DUSP16: variants seen among roughly 807,000 people sequenced by gnomAD.
DUSP16 encodes dual specificity phosphatase 16.
In DUSP16, 21 loss-of-function variants were observed where a neutral mutation model predicts 58.3. The observed-to-expected ratio is 0.36, with a 90% confidence interval of 0.26 to 0.52. The LOEUF (loss-of-function observed/expected upper bound fraction) is 0.52, where lower values mean the gene tolerates loss of function less well. Ranked by LOEUF, DUSP16 falls within the 20% of genes least tolerant of loss-of-function variation. The probability of loss-of-function intolerance (pLI) is 0.94; values close to 1 mark genes in which losing one functional copy is unlikely to be tolerated. For missense variants in DUSP16, 726 were observed against 819.0 expected (o/e 0.89, Z 1.39); for synonymous variants, 320 against 323.8 (o/e 0.99, Z 0.12).
chr12:12,561,622 C>A (rs560685779), intron 1 of DUSP16, among the ~76,000 whole-genome samples: 222 of 152,352 alleles, frequency 1.5e-3, no homozygotes, highest in Middle Eastern at 3.4e-3. Flanking sequence ...ACCGTCACCA[C>A]CCAGGTGGCC....
chr12:12,487,027 C>T lies in DUSP16; in HGVS notation c.691+1G>A, dbSNP rs868290772. The T allele has an allele frequency of 6.2e-7, 1 of 1,613,706 alleles. No individual in the cohort carries two copies. The highest frequency in any genetic ancestry group is 8.5e-7 in the Non-Finnish European group (1 of 1,179,796). ...CCTGCAATATTATTTGAGCTACTTACCAATGAAATCTACTGATTTGTCCAA... is the reference window on the plus strand; with the variant it reads ...CCTGCAATATTATTTGAGCTACTTATCAATGAAATCTACTGATTTGTCCAA... On this transcript the variant is annotated splice_donor_variant, in intron 5 of 6. Coordinates refer to ENST00000298573, the MANE Select transcript of DUSP16 (RefSeq NM_030640.3). LOFTEE classifies it high-confidence loss of function.
intron 1 of DUSP16, among the ~76,000 whole-genome samples, chr12:12,560,288 A>G (rs765059226): frequency 1.3e-5 from 2 of 152,222 alleles, no homozygotes; most frequent in Non-Finnish European, 1.5e-5. Context: ...CTGAATGTAC[A>G]TTTATAGTAC....
At chr12:12,497,129 T>C (rs1943839010) in intron 4 of DUSP16, among the ~76,000 whole-genome samples, 1 of 152,262 alleles carries the variant, frequency 6.6e-6, no homozygotes, top group Non-Finnish European at 1.5e-5. Context: ...TAATTTTGTA[T>C]ACTGATTGCA....
At chr12:12,558,197 C>T (rs985561831) in intron 1 of DUSP16, among the ~76,000 whole-genome samples, 1 of 152,242 alleles carries the variant, frequency 6.6e-6, no homozygotes, top group South Asian at 2.1e-4. Flanking sequence ...TGATTCCTAT[C>T]AGTAGTTAAT....
rs188184047 is a variant in DUSP16, at chr12:12,552,997, T to A, written c.-366+9120A>T. Among the ~76,000 whole-genome samples, 246 of 152,274 alleles carry A rather than the reference T, an allele frequency of 1.6e-3. 1 individual carries two copies. Among genetic ancestry groups the A allele is most frequent in the African/African-American group, 5.7e-3 (238 of 41,558 alleles). On this transcript the variant is annotated intron_variant, in intron 1 of 6. Coordinates refer to ENST00000298573, the MANE Select transcript of DUSP16 (RefSeq NM_030640.3). ...GGTTTTACCATGTTGGTCAAGCTGG[T>A]CTCGAACTCCTGACTTCATGAGATC... is the stretch of plus-strand genomic sequence containing the variant.
At chr12:12,511,907 G>A (rs1295877022) in intron 3 of DUSP16, among the ~76,000 whole-genome samples, 1 of 152,172 alleles carries the variant, frequency 6.6e-6, no homozygotes, top group African/African-American at 2.4e-5. Flanking sequence ...GGCAAGGGAA[G>A]ATTGATGTCA....
intron 4 of DUSP16, among the ~76,000 whole-genome samples, chr12:12,498,426 A>T (rs548393322): frequency 8.1e-4 from 122 of 150,824 alleles, no homozygotes; most frequent in African/African-American, 2.6e-3. Flanking sequence ...TTATTTATTT[A>T]TTTTTTGAGA....
At chr12:12,548,630 C>CAAA (rs898316799) in intron 1 of DUSP16, among the ~76,000 whole-genome samples, 1 of 63,340 alleles carries the variant, frequency 1.6e-5, no homozygotes, top group African/African-American at 6.3e-5. Flanking sequence ...GACTCTGTCT[C>CAAA]AAAAAAAAAA....
intron 4 of DUSP16, among the ~76,000 whole-genome samples, chr12:12,494,089 G>T (rs1943797001): frequency 6.6e-6 from 1 of 152,098 alleles, no homozygotes; most frequent in Admixed American, 6.5e-5. Context: ...CTAGTAACTG[G>T]TTTATTAGCA....
intron 1 of DUSP16, among the ~76,000 whole-genome samples, chr12:12,525,731 T>TACACACAC (rs35552389): frequency 0.026 from 3,841 of 146,156 alleles, 67 homozygotes; most frequent in Middle Eastern, 0.049. Context: ...AATATATGTA[T>TACACACAC]ACACACACAC....
At chr12:12,552,669 T>C (rs1337495050) in intron 1 of DUSP16, among the ~76,000 whole-genome samples, 1 of 152,230 alleles carries the variant, frequency 6.6e-6, no homozygotes, top group Non-Finnish European at 1.5e-5. Context: ...TAAAGAAATA[T>C]ACTAAAGAGA....
At chr12:12,518,849 A>G (rs73063434) in intron 3 of DUSP16, among the ~76,000 whole-genome samples, 1 of 152,362 alleles carries the variant, frequency 6.6e-6, no homozygotes, top group Non-Finnish European at 1.5e-5. Flanking sequence ...TCTGAAAAAG[A>G]TGAACTATCC....
chr12:12,496,595 T>G (rs1044972233), intron 4 of DUSP16, among the ~76,000 whole-genome samples: 2 of 152,176 alleles, frequency 1.3e-5, no homozygotes, highest in African/African-American at 2.4e-5. Flanking sequence ...CTACTCCCAA[T>G]AGGTAAGTCA....
At position 12,562,811 on chromosome 12, in the gene DUSP16, C is replaced by G. The variant is rs915929333; in HGVS notation, c.-1060G>C. On this transcript the variant is annotated 5_prime_UTR_variant, in exon 1 of 7. Transcript: ENST00000298573. ...CGGAGCGCGGCTCCGCGCCTCGTTC[C>G]GGCCGCTCGGGGAGGGGTCAGGTCA... is the stretch of plus-strand genomic sequence containing the variant. Among the ~76,000 whole-genome samples, 21 of 151,778 alleles carry G rather than the reference C, an allele frequency of 1.4e-4. No homozygotes were observed. The South Asian group carries it at 4.3e-3, about 31-fold the overall frequency.
rs181462915 is a variant in DUSP16 at position 12,489,766 on chromosome 12, T to A, written c.532-2579A>T. Among the ~76,000 whole-genome samples the A allele has an allele frequency of 4.8e-4, 73 of 152,326 alleles. 2 individuals are homozygous for A. In the East Asian group the frequency reaches 0.014, roughly 29 times the overall value. On this transcript the variant is annotated intron_variant, in intron 4 of 6. Transcript: ENST00000298573. The stretch of plus-strand genomic sequence containing the variant: ...AAATACGATGTACACTTCTGACAAG[T>A]AAACTTAATAGCCTACATTTTAAAG...
At chr12:12,561,758 C>A (rs1210970729) in intron 1 of DUSP16, among the ~76,000 whole-genome samples, 1 of 151,970 alleles carries the variant, frequency 6.6e-6, no homozygotes, top group Non-Finnish European at 1.5e-5. Flanking sequence ...GGTGCCGCGT[C>A]CCGCGGCGGC....
chr12:12,555,426 A>G (rs1001632888), intron 1 of DUSP16, among the ~76,000 whole-genome samples: 8 of 152,214 alleles, frequency 5.3e-5, no homozygotes, highest in Admixed American at 2.0e-4. Flanking sequence ...TTTGACAAAC[A>G]TTTGTCAAAA....
At chr12:12,525,830 CA>C (rs1438378507) in intron 1 of DUSP16, among the ~76,000 whole-genome samples, 2 of 151,780 alleles carry the variant, frequency 1.3e-5, no homozygotes, top group Admixed American at 6.6e-5. Flanking sequence ...ATAGTGTGCT[CA>C]AAAGGTTAGC....
At chr12:12,505,038 T>G (rs934800975) in intron 3 of DUSP16, among the ~76,000 whole-genome samples, 5 of 152,264 alleles carry the variant, frequency 3.3e-5, no homozygotes, top group African/African-American at 1.2e-4. Context: ...GAACACTTAC[T>G]GCGTGACAAA....
Sources: gnomAD v4.1 joint callset for allele counts (sites outside exome capture counted in the v4.1 genomes callset) on GRCh38, gnomAD v4.1.1 for gene constraint, MANE v1.5 for transcripts, NCBI Gene and HGNC (gene_info 2026-07-23, HGNC 2026-07-21) for gene names.